EYS: variants seen among roughly 807,000 people sequenced by gnomAD.
EYS encodes protein eyes shut homolog.
EYS carries 250 observed loss-of-function variants against 282.1 expected under a neutral mutation model. That is an observed-to-expected ratio of 0.89 (90% CI 0.80 to 0.98). EYS has a LOEUF of 0.98. Among genes scored for constraint, EYS ranks in the 50% least tolerant of loss-of-function variants. The pLI is 0.00. For synonymous variants in EYS, 1,355 were observed against 1,282.9 expected (o/e 1.06, Z -1.20); for missense variants, 4,016 against 3,709.0 (o/e 1.08, Z -2.15).
At chr6:63,981,490 C>T (rs142420710) in intron 35 of EYS, among the ~76,000 whole-genome samples, 1 of 151,918 alleles carries the variant, frequency 6.6e-6, no homozygotes, top group Non-Finnish European at 1.5e-5. Flanking sequence ...GTCCTGTATG[C>T]AACGGTGTAA....
chr6:64,645,884 T>G (rs1330082922), intron 22 of EYS, among the ~76,000 whole-genome samples: 1 of 152,224 alleles, frequency 6.6e-6, no homozygotes, highest in Non-Finnish European at 1.5e-5. Context: ...TTAATCTGTC[T>G]CCATTTGCTT....
intron 14 of EYS, among the ~76,000 whole-genome samples, chr6:64,970,343 A>C (rs1770247295): frequency 6.6e-6 from 1 of 152,124 alleles, no homozygotes; most frequent in Admixed American, 6.6e-5. Flanking sequence ...GATTACAGGC[A>C]TGGGCTCCTA....
At chr6:65,229,360 C>T (rs1013100412) in intron 12 of EYS, among the ~76,000 whole-genome samples, 1 of 151,798 alleles carries the variant, frequency 6.6e-6, no homozygotes, top group African/African-American at 2.4e-5. Context: ...TATAGGGAGA[C>T]AGCATAGCAA....
At chr6:65,694,028 A>T (rs1359014490) in intron 1 of EYS, among the ~76,000 whole-genome samples, 1 of 150,466 alleles carries the variant, frequency 6.6e-6, no homozygotes, top group East Asian at 2.2e-4. Context: ...AATATCTAAG[A>T]TCAATAAAAA....
intron 1 of EYS, among the ~76,000 whole-genome samples, chr6:65,659,195 T>A (rs1447943315): frequency 6.6e-6 from 1 of 151,758 alleles, no homozygotes; most frequent in Admixed American, 6.6e-5. Flanking sequence ...ATAACTTTTT[T>A]AACTTCCTTT....
chr6:64,284,803 C>T lies in EYS; in HGVS notation c.6191+22167G>A, dbSNP rs141222934. On this transcript the variant is annotated intron_variant, in intron 30 of 42. Coordinates refer to ENST00000503581, the MANE Select transcript of EYS (RefSeq NM_001142800.2). Reference sequence around the variant, plus strand: ...ACTTGAGGCTTGCACCCTCTGAAACCATGGCCCAAGCTCTGTGTTGGCCTC... The same window carrying T: ...ACTTGAGGCTTGCACCCTCTGAAACTATGGCCCAAGCTCTGTGTTGGCCTC... Among the ~76,000 whole-genome samples, 682 of 152,270 alleles carry T rather than the reference C, an allele frequency of 4.5e-3. 2 individuals are homozygous for T. The highest frequency in any genetic ancestry group is 0.02 in the Middle Eastern group (6 of 294).
intron 26 of EYS, among the ~76,000 whole-genome samples, chr6:64,530,223 T>G (rs569940971): frequency 6.6e-6 from 1 of 152,212 alleles, no homozygotes; most frequent in African/African-American, 2.4e-5. Flanking sequence ...TTTAACCAAA[T>G]GCTTGTTTCA....
chr6:63,740,717 T>TA (rs1769054118), intron 41 of EYS, among the ~76,000 whole-genome samples: 1 of 152,234 alleles, frequency 6.6e-6, no homozygotes, highest in African/African-American at 2.4e-5. Context: ...AGATAGTTGA[T>TA]ACTTTTATTG....
chr6:64,925,789 C>A (rs11754133), intron 15 of EYS, among the ~76,000 whole-genome samples: 6,520 of 152,128 alleles, frequency 0.043, 169 homozygotes, highest in East Asian at 0.13. Flanking sequence ...TCCTTGTCCC[C>A]CACTTTGCCT....
At chr6:65,537,189 G>A (rs1767991768) in intron 2 of EYS, among the ~76,000 whole-genome samples, 1 of 152,128 alleles carries the variant, frequency 6.6e-6, no homozygotes. Flanking sequence ...ACACACTGGT[G>A]CCTGTCAGGG....
At chr6:65,429,969 AATAACCT>A (rs1767819267) in intron 5 of EYS, among the ~76,000 whole-genome samples, 1 of 152,196 alleles carries the variant, frequency 6.6e-6, no homozygotes, top group South Asian at 2.1e-4. Context: ...TAATCCTCAT[AATAACCT>A]ATCAGATAGT....
intron 22 of EYS, among the ~76,000 whole-genome samples, chr6:64,699,769 A>G (rs1328532823): frequency 1.3e-5 from 2 of 152,102 alleles, no homozygotes; most frequent in Non-Finnish European, 2.9e-5. Context: ...CAAATCTACA[A>G]AGAAAAACTG....
At chr6:65,660,590 G>A (rs934329756) in intron 1 of EYS, among the ~76,000 whole-genome samples, 3 of 151,612 alleles carry the variant, frequency 2.0e-5, no homozygotes, top group Non-Finnish European at 4.4e-5. Flanking sequence ...TGGGAAAAAA[G>A]ATGTTCTTCT....
At chr6:64,642,205 C>T (rs542095499) in intron 22 of EYS, among the ~76,000 whole-genome samples, 87 of 152,262 alleles carry the variant, frequency 5.7e-4, no homozygotes, top group African/African-American at 2.0e-3. Context: ...GTTTGTTGTT[C>T]TGGTGGTTAC....
rs373926056 is a variant in EYS, at chr6:64,641,467, A to C, written c.3444-15222T>G. ...GCCAACTTTACATGGTACAGATTGC[A>C]TGGTACAGTAAGAAGACCAAATCAA... On this transcript the variant is annotated intron_variant, in intron 22 of 42. Transcript: ENST00000503581. Among the ~76,000 whole-genome samples, 286 of 152,326 alleles carry C rather than the reference A, an allele frequency of 1.9e-3. 1 individual carries two copies. The highest frequency in any genetic ancestry group is 6.6e-3 in the African/African-American group (274 of 41,596).
rs1767252314 is a variant in EYS at position 63,984,376 on chromosome 6, T to C, written c.7055+7A>G. 1 of 1,540,676 alleles carries C rather than the reference T, an allele frequency of 6.5e-7. No individual in the cohort carries two copies. Among genetic ancestry groups the C allele is most frequent in the African/African-American group, 1.4e-5 (1 of 72,604 alleles). ...CGTAGGTTGGGAATCAGGAGACTAA[T>C]ACTGACCTGATGCAGGTGCCATTGT... On this transcript the variant is annotated splice_region_variant and intron_variant, in intron 35 of 42. Coordinates refer to ENST00000503581, the MANE Select transcript of EYS (RefSeq NM_001142800.2).
intron 22 of EYS, among the ~76,000 whole-genome samples, chr6:64,778,153 G>T (rs1324151369): frequency 6.6e-6 from 1 of 152,032 alleles, no homozygotes; most frequent in African/African-American, 2.4e-5. Context: ...GGACAGGAGC[G>T]AATGCCTTCA....
At chr6:63,928,023 A>G (rs1195170156) in intron 35 of EYS, among the ~76,000 whole-genome samples, 1 of 152,198 alleles carries the variant, frequency 6.6e-6, no homozygotes, top group Non-Finnish European at 1.5e-5. Flanking sequence ...TGGAAAAAGC[A>G]TTGGTTTCCG....
chr6:64,009,435 C>T (rs1296182730), intron 33 of EYS, among the ~76,000 whole-genome samples: 2 of 140,338 alleles, frequency 1.4e-5, no homozygotes, highest in African/African-American at 5.7e-5. Flanking sequence ...AGGCACCCAC[C>T]ACCACGCAAG....
Sources: gnomAD v4.1 joint callset for allele counts (sites outside exome capture counted in the v4.1 genomes callset) on GRCh38, gnomAD v4.1.1 for gene constraint, MANE v1.5 for transcripts, NCBI Gene and HGNC (gene_info 2026-07-23, HGNC 2026-07-21) for gene names.